The following DLG2 variants were observed in gnomAD, a reference collection of about 807,000 sequenced individuals.
The protein encoded by DLG2 is discs large MAGUK scaffold protein 2, also known as disks large homolog 2.
Under a neutral mutation model 132.5 loss-of-function variants are expected in DLG2, and 45 were observed. The observed-to-expected ratio is 0.34, with a 90% confidence interval of 0.27 to 0.44. The LOEUF (loss-of-function observed/expected upper bound fraction) is 0.44, where lower values mean the gene tolerates loss of function less well. Ranked by LOEUF, DLG2 falls within the 20% of genes least tolerant of loss-of-function variation. The probability of loss-of-function intolerance (pLI) is 1.00; values close to 1 mark genes in which losing one functional copy is unlikely to be tolerated. For synonymous variants in DLG2, 424 were observed against 419.6 expected, an observed-to-expected ratio of 1.01 and a Z score of -0.13; for missense variants, 1,045 against 1,196.9, an observed-to-expected ratio of 0.87 and a Z score of 1.87.
intron 3 of DLG2, among the ~76,000 whole-genome samples, chr11:85,537,920 T>C (rs1286732677): frequency 6.6e-6 from 1 of 151,752 alleles, no homozygotes; most frequent in African/African-American, 2.4e-5. Context: ...ATTGAGACCA[T>C]CCAGGCTAAC....
At chr11:84,224,449 G>C (rs2096961315) in intron 8 of DLG2, among the ~76,000 whole-genome samples, 2 of 152,216 alleles carry the variant, frequency 1.3e-5, no homozygotes, top group African/African-American at 2.4e-5. Context: ...CAGAATAAAA[G>C]ATAAATGGTC....
intron 6 of DLG2, among the ~76,000 whole-genome samples, chr11:84,620,775 A>G (rs2099612474): frequency 6.6e-6 from 1 of 152,108 alleles, no homozygotes; most frequent in Admixed American, 6.5e-5. Context: ...CGGCACAACT[A>G]CTTTAGAAAA....
intron 6 of DLG2, among the ~76,000 whole-genome samples, chr11:84,823,836 A>G (rs2078010621): frequency 6.6e-6 from 1 of 151,920 alleles, no homozygotes; most frequent in African/African-American, 2.4e-5. Context: ...CTGAATGAAT[A>G]AACCACACAA....
intron 3 of DLG2, among the ~76,000 whole-genome samples, chr11:85,454,584 T>C (rs1443137189): frequency 6.6e-6 from 1 of 152,156 alleles, no homozygotes; most frequent in Non-Finnish European, 1.5e-5. Flanking sequence ...GCTTTTGGCA[T>C]CATTGTCATG....
intron 21 of DLG2, among the ~76,000 whole-genome samples, chr11:83,494,544 T>C (rs2094045179): frequency 6.6e-6 from 1 of 151,200 alleles, no homozygotes; most frequent in African/African-American, 2.4e-5. Flanking sequence ...TAGGTTGAAC[T>C]GCCTATTTCT....
chr11:85,050,118 T>TCTCACACACACACACA (rs1555352616), intron 6 of DLG2, among the ~76,000 whole-genome samples: 1 of 136,738 alleles, frequency 7.3e-6, no homozygotes, highest in Non-Finnish European at 1.6e-5. Flanking sequence ...CACTGTGTCA[T>TCTCACACACACACACA]CACACACACA....
intron 7 of DLG2, among the ~76,000 whole-genome samples, chr11:84,347,221 T>A (rs999298418): frequency 5.9e-5 from 9 of 151,794 alleles, no homozygotes; most frequent in African/African-American, 1.9e-4. Context: ...TGCATTGGGG[T>A]GGGGGTGAAG....
intron 6 of DLG2, among the ~76,000 whole-genome samples, chr11:84,905,552 T>A (rs1481002893): frequency 6.6e-6 from 1 of 152,298 alleles, no homozygotes; most frequent in Non-Finnish European, 1.5e-5. Flanking sequence ...AGGAAATGTA[T>A]GATTTGATGA....
chr11:85,241,576 T>C (rs2075880231), intron 4 of DLG2, among the ~76,000 whole-genome samples: 1 of 151,906 alleles, frequency 6.6e-6, no homozygotes, highest in African/African-American at 2.4e-5. Flanking sequence ...TTTCTATGCT[T>C]TAGGATGATT....
At chr11:85,068,173 T>C (rs1172957262) in intron 6 of DLG2, among the ~76,000 whole-genome samples, 2 of 152,112 alleles carry the variant, frequency 1.3e-5, no homozygotes, top group African/African-American at 2.4e-5. Context: ...GAGCTATTTA[T>C]GACAAACCCA....
At chr11:84,027,916 T>C (rs1406818351) in intron 11 of DLG2, among the ~76,000 whole-genome samples, 1 of 152,060 alleles carries the variant, frequency 6.6e-6, no homozygotes, top group African/African-American at 2.4e-5. Context: ...TTTCTAAAAA[T>C]AGAAATAAGA....
chr11:84,558,357 A>T (rs2099416186), intron 6 of DLG2, among the ~76,000 whole-genome samples: 1 of 152,188 alleles, frequency 6.6e-6, no homozygotes, highest in South Asian at 2.1e-4. Flanking sequence ...GAAAGTTTAT[A>T]AAGCAAGAAC....
chr11:83,610,157 T>C (rs186046450), intron 19 of DLG2, among the ~76,000 whole-genome samples: 208 of 152,320 alleles, frequency 1.4e-3, no homozygotes, highest in African/African-American at 2.0e-3. Flanking sequence ...TCCTGTACTA[T>C]GCAGCGTCCC....
intron 6 of DLG2, among the ~76,000 whole-genome samples, chr11:84,589,333 T>C (rs899562302): frequency 6.6e-6 from 1 of 152,074 alleles, no homozygotes; most frequent in Non-Finnish European, 1.5e-5. Flanking sequence ...ACACCCTAAG[T>C]GTATCAGAAA....
chr11:84,444,931 T>C (rs1356022386), intron 7 of DLG2, among the ~76,000 whole-genome samples: 2 of 151,830 alleles, frequency 1.3e-5, no homozygotes, highest in African/African-American at 2.4e-5. Flanking sequence ...GCCTCCCGAA[T>C]AGCTGGGATT....
At chr11:84,836,444 TAA>T (rs1262381582) in intron 6 of DLG2, among the ~76,000 whole-genome samples, 1 of 151,774 alleles carries the variant, frequency 6.6e-6, no homozygotes, top group Non-Finnish European at 1.5e-5. Context: ...GAAAAATTGA[TAA>T]AGTCATCCAA....
At chr11:85,034,472 A>G (rs953266134) in intron 6 of DLG2, among the ~76,000 whole-genome samples, 6 of 152,152 alleles carry the variant, frequency 3.9e-5, no homozygotes, top group Admixed American at 3.9e-4. Flanking sequence ...CCTGACTACC[A>G]AATAAAAATA....
chr11:84,021,715 A>G (rs7115971), intron 11 of DLG2, among the ~76,000 whole-genome samples: 38,762 of 151,914 alleles, frequency 0.26, 5,229 homozygotes, highest in East Asian at 0.47. Context: ...AAACCTGAGT[A>G]TATTATTTCA....
intron 6 of DLG2, among the ~76,000 whole-genome samples, chr11:84,804,372 G>A (rs1292922874): frequency 2.6e-5 from 4 of 152,140 alleles, no homozygotes; most frequent in East Asian, 3.8e-4. Context: ...AAAGGCAAAA[G>A]GAAAACCCAC....
Sources: gnomAD v4.1 joint callset for allele counts (sites outside exome capture counted in the v4.1 genomes callset) on GRCh38, gnomAD v4.1.1 for gene constraint, MANE v1.5 for transcripts, NCBI Gene and HGNC (gene_info 2026-07-23, HGNC 2026-07-21) for gene names.